YWHAG: variants seen among roughly 807,000 people sequenced by gnomAD.
YWHAG encodes 14-3-3 protein gamma.
YWHAG carries 1 observed loss-of-function variant against 23.3 expected under a neutral mutation model. The ratio of observed to expected loss-of-function variants is 0.04; its 90% CI spans 0.02 to 0.20. The LOEUF (loss-of-function observed/expected upper bound fraction) is 0.20, where lower values mean the gene tolerates loss of function less well. Among genes scored for constraint, YWHAG ranks in the 10% least tolerant of loss-of-function variants. YWHAG has a pLI of 1.00. For synonymous variants in YWHAG, 160 were observed against 144.0 expected (o/e 1.11, Z -0.80); for missense variants, 151 against 338.6 (o/e 0.45, Z 4.35).
In YWHAG at chr7:76,329,509, C is replaced by CCCACA; in HGVS notation, c.*67_*68insTGTGG. The CCCACA allele has an allele frequency of 7.0e-7, 1 of 1,421,558 alleles. No homozygotes were observed. The highest frequency in any genetic ancestry group is 9.4e-7 in the Non-Finnish European group (1 of 1,069,498). 88.1% of individuals were successfully genotyped at this position (1,421,558 alleles called of 1,614,324 possible). A position where few individuals can be genotyped will look rare whatever the true frequency, so the allele number is the denominator to read the frequency against. ...CCCTTTCCCTCCCCCACCCGACCCC[C>CCCACA]AACTCATGGGAAAAAAATAAAGACT... On this transcript the variant is annotated 3_prime_UTR_variant, in exon 2 of 2. Transcript: ENST00000307630. The surrounding 1 kb of genome is among the most constrained non-coding windows in gnomAD (Gnocchi z 6.1).
chr7:76,358,775 G>C lies in YWHAG; in HGVS notation c.34C>G (p.Arg12Gly). The change falls in exon 1 of 2, where the codon CGG becomes GGG. Residue 12 changes from arginine (R) to glycine (G), a missense_variant. By Grantham distance (125) the Arg-to-Gly change is moderately radical. Transcript: ENST00000307630. Reference protein sequence around the residue: ...VDREQLVQKARLAEQAERYDD... With the variant: ...VDREQLVQKAGLAEQAERYDD... ...TAGCGCTCCGCCTGCTCGGCCAGCC[G>C]GGCTTTCTGCACCAGTTGCTCGCGG... 6.3e-7 allele frequency: 1 copy of C among 1,596,824 alleles called. No homozygotes were observed. Among genetic ancestry groups the C allele is most frequent in the Non-Finnish European group, 8.5e-7 (1 of 1,173,034 alleles).
chr7:76,330,355 G>A, intron 1 of YWHAG, 122 bp from the exon 2 acceptor site: 1 of 1,099,598 alleles, frequency 9.1e-7, no homozygotes, highest in Non-Finnish European at 1.3e-6. Context: ...AAATTACTTT[G>A]TGTGGGCTGG....
intron 1 of YWHAG, among the ~76,000 whole-genome samples, chr7:76,346,319 A>C (rs1803779016): frequency 6.6e-6 from 1 of 151,996 alleles, no homozygotes; most frequent in Non-Finnish European, 1.5e-5. Context: ...CAGATGCTAC[A>C]TTTTTTTCTG....
intron 1 of YWHAG, among the ~76,000 whole-genome samples, chr7:76,356,351 A>T (rs557553253): frequency 6.6e-6 from 1 of 152,222 alleles, no homozygotes; most frequent in East Asian, 1.9e-4. Context: ...AAGTCACAGG[A>T]AACAGATTTG....
At chr7:76,350,796 A>C (rs1477417006) in intron 1 of YWHAG, among the ~76,000 whole-genome samples, 1 of 152,208 alleles carries the variant, frequency 6.6e-6, no homozygotes, top group Non-Finnish European at 1.5e-5. Context: ...GTAAGCTGAG[A>C]TCGCGCCACT....
chr7:76,354,616 C>T (rs1420604726), intron 1 of YWHAG, among the ~76,000 whole-genome samples: 16 of 152,136 alleles, frequency 1.1e-4, no homozygotes, highest in Middle Eastern at 3.2e-3. Context: ...TTTTCCCATC[C>T]AGCTCCTGAC....
intron 1 of YWHAG, among the ~76,000 whole-genome samples, chr7:76,346,027 A>AAATCAAGGTTCTGG (rs1247828705): frequency 7.9e-5 from 12 of 152,218 alleles, no homozygotes; most frequent in Admixed American, 7.9e-4. Context: ...GGTTCTTTCA[A>AAATCAAGGTTCTGG]AATCAAGGTT....
In YWHAG at chr7:76,327,661, CTA is replaced by C. The variant is rs1803465156; in HGVS notation, c.*1914_*1915del. On this transcript the variant is annotated 3_prime_UTR_variant, in exon 2 of 2. Transcript: ENST00000307630. ...GAAGATAAATTAGGGAAAGCCCCAC[CTA>C]CCCTGCCCCCCCCCCCCTCCCCCCC... 3 of 97,132 alleles carry C rather than the reference CTA, an allele frequency of 3.1e-5. No individual in the cohort carries two copies. The highest frequency in any genetic ancestry group is 4.4e-5 in the African/African-American group (1 of 22,930). 6.0% of individuals were successfully genotyped at this position (97,132 alleles called of 1,614,324 possible). A position where few individuals can be genotyped will look rare whatever the true frequency, so the allele number is the denominator to read the frequency against.
rs2115579036 is a variant in YWHAG, at chr7:76,327,243, A to G, written c.*2334T>C. Reference sequence around the variant, plus strand: ...TAAATTAAAAAAAAAAAACCTTTAAAAAATTTGAAGACTTAATTTTTTTTG... The same window carrying G: ...TAAATTAAAAAAAAAAAACCTTTAAGAAATTTGAAGACTTAATTTTTTTTG... On this transcript the variant is annotated 3_prime_UTR_variant, in exon 2 of 2. Transcript: ENST00000307630. 1 of 152,308 alleles carries G rather than the reference A, an allele frequency of 6.6e-6. No homozygotes were observed. Among genetic ancestry groups the G allele is most frequent in the Non-Finnish European group, 1.5e-5 (1 of 68,024 alleles). The allele number at this position is 152,308 out of a possible 1,614,324, so 9.4% of individuals were successfully genotyped here.
At chr7:76,354,744 C>T (rs555404852) in intron 1 of YWHAG, among the ~76,000 whole-genome samples, 81 of 152,252 alleles carry the variant, frequency 5.3e-4, no homozygotes, top group Non-Finnish European at 9.8e-4. Flanking sequence ...ACCACACAGG[C>T]GGCAAATCAC....
At chr7:76,348,114 A>C (rs576000658) in intron 1 of YWHAG, among the ~76,000 whole-genome samples, 1 of 152,356 alleles carries the variant, frequency 6.6e-6, no homozygotes, top group South Asian at 2.1e-4. Context: ...AATATGCAGC[A>C]GTTTAAAAGG....
chr7:76,331,993 CTGAA>C (rs1803549002), intron 1 of YWHAG, among the ~76,000 whole-genome samples: 1 of 152,092 alleles, frequency 6.6e-6, no homozygotes, highest in South Asian at 2.1e-4. Context: ...AATTCATTTT[CTGAA>C]TGAATGATCA....
At chr7:76,342,894 T>C (rs979018990) in intron 1 of YWHAG, among the ~76,000 whole-genome samples, 2 of 152,042 alleles carry the variant, frequency 1.3e-5, no homozygotes, top group African/African-American at 2.4e-5. Flanking sequence ...CCCACCACTT[T>C]GGGAGGCCGA....
At chr7:76,343,733 T>C (rs1380477684) in intron 1 of YWHAG, among the ~76,000 whole-genome samples, 1 of 152,072 alleles carries the variant, frequency 6.6e-6, no homozygotes, top group Non-Finnish European at 1.5e-5. Flanking sequence ...TAAGCAAGTA[T>C]GAGATAGGCA....
chr7:76,334,990 T>C (rs1803596267), intron 1 of YWHAG, among the ~76,000 whole-genome samples: 1 of 152,230 alleles, frequency 6.6e-6, no homozygotes, highest in African/African-American at 2.4e-5. Context: ...CAGAGTTGTA[T>C]GTTCTGCTTA....
chr7:76,349,856 T>C (rs536594091), intron 1 of YWHAG, among the ~76,000 whole-genome samples: 2 of 152,260 alleles, frequency 1.3e-5, no homozygotes, highest in South Asian at 4.1e-4. Context: ...TAGCCAGGCG[T>C]GGTGGTGGGC....
chr7:76,327,753 T>C lies in YWHAG; in HGVS notation c.*1824A>G, dbSNP rs920694178. ...GTGAGAGGCACAAAAGCGGCAAAGCTTCTTCTACTAGTTCTTCTGGTAGGC... is the reference window on the plus strand; with the variant it reads ...GTGAGAGGCACAAAAGCGGCAAAGCCTCTTCTACTAGTTCTTCTGGTAGGC... On this transcript the variant is annotated 3_prime_UTR_variant, in exon 2 of 2. Transcript: ENST00000307630. 7.2e-6 allele frequency: 1 copy of C among 139,016 alleles called. No homozygotes were observed. The highest frequency in any genetic ancestry group is 1.5e-5 in the Non-Finnish European group (1 of 66,144). The allele number at this position is 139,016 out of a possible 1,614,324, so 8.6% of individuals were successfully genotyped here.
At chr7:76,338,212 T>C (rs544551975) in intron 1 of YWHAG, among the ~76,000 whole-genome samples, 1 of 152,192 alleles carries the variant, frequency 6.6e-6, no homozygotes, top group Admixed American at 6.5e-5. Context: ...GCAAACTGCA[T>C]GGAAACTTGG....
rs1208117178 is a variant in YWHAG at position 76,329,806 on chromosome 7, C to A, written c.515G>T (p.Arg172Leu). The part of the protein sequence containing the change: ...KEHMQPTHPI[R>L]LGLALNYSVF... ...GGAGTAGTTAAGAGCCAGGCCTAAT[C>A]GGATGGGGTGGGTGGGCTGCATGTG... Residue 172 changes from arginine to leucine, a missense_variant, in exon 2 of 2, where the codon CGA (arginine) becomes CTA (leucine). Physicochemically the swap from Arg to Leu is moderately radical, Grantham distance 102 (BLOSUM62 -2). Transcript: ENST00000307630. The surrounding 1 kb of genome is among the most constrained non-coding windows in gnomAD (Gnocchi z 6.1). 13 of 1,613,058 alleles carry A rather than the reference C, an allele frequency of 8.1e-6. No individual in the cohort carries two copies. Among genetic ancestry groups the A allele is most frequent in the Non-Finnish European group, 1.0e-5 (12 of 1,179,918 alleles).
Sources: gnomAD v4.1 joint callset for allele counts (sites outside exome capture counted in the v4.1 genomes callset) on GRCh38, gnomAD v4.1.1 for gene constraint, Gnocchi (gnomAD v3.1) non-coding constraint, MANE v1.5 for transcripts, NCBI Gene and HGNC (gene_info 2026-07-23, HGNC 2026-07-21) for gene names.